Variants in CPNE8 observed in about 807,000 individuals in gnomAD.
The protein encoded by CPNE8 is copine 8, also known as copine-8.
A neutral mutation model predicts 81.5 loss-of-function variants in CPNE8; 45 were observed. That is an observed-to-expected ratio of 0.55 (90% CI 0.44 to 0.71). The LOEUF (loss-of-function observed/expected upper bound fraction) is 0.71. Among genes scored for constraint, CPNE8 ranks in the 30% least tolerant of loss-of-function variants. CPNE8 has a pLI of 0.00. For missense variants in CPNE8, 594 were observed against 672.1 expected (o/e 0.88, Z 1.28); for synonymous variants, 252 against 226.3 (o/e 1.11, Z -1.02).
intron 13 of CPNE8, among the ~76,000 whole-genome samples, chr12:38,717,438 T>TATATATATATAG (rs1324081339): frequency 7.8e-6 from 1 of 128,356 alleles, no homozygotes; most frequent in Non-Finnish European, 1.6e-5. Context: ...TGTATATATA[T>TATATATATATAG]ATATATATAT....
At chr12:38,768,804 G>A (rs1941743021) in intron 7 of CPNE8, among the ~76,000 whole-genome samples, 1 of 152,138 alleles carries the variant, frequency 6.6e-6, no homozygotes. Context: ...TGGGATTACA[G>A]GCTTGTGTGT....
At chr12:38,667,574 C>A (rs1041250447) in intron 19 of CPNE8, among the ~76,000 whole-genome samples, 3 of 152,294 alleles carry the variant, frequency 2.0e-5, no homozygotes, top group East Asian at 3.9e-4. Context: ...TAACTCAATG[C>A]AGGAATGTAA....
intron 19 of CPNE8, among the ~76,000 whole-genome samples, chr12:38,661,414 C>T (rs1228029814): frequency 1.3e-4 from 20 of 152,022 alleles, no homozygotes; most frequent in Admixed American, 1.3e-3. Flanking sequence ...ACAATGAGAA[C>T]ACTTGGACAC....
In CPNE8 at chr12:38,753,503, T is replaced by C. The variant is rs1284318856; in HGVS notation, c.722+7344A>G. On this transcript the variant is annotated intron_variant, in intron 10 of 19. Coordinates refer to ENST00000331366, the MANE Select transcript of CPNE8 (RefSeq NM_153634.3). ...AAAAAGAAAGATATCAGAGCTCTAT[T>C]TTAAGTCCTCTCTTCTGTATTACTG... Among the ~76,000 whole-genome samples, 4 of 152,122 alleles carry C rather than the reference T, an allele frequency of 2.6e-5. No individual in the cohort carries two copies. The East Asian group carries it at 5.8e-4, about 22-fold the overall frequency.
At chr12:38,697,854 T>C (rs1050285063) in intron 14 of CPNE8, among the ~76,000 whole-genome samples, 1 of 152,150 alleles carries the variant, frequency 6.6e-6, no homozygotes, top group Non-Finnish European at 1.5e-5. Context: ...GACTGCCCCT[T>C]TGCATTCCAT....
intron 8 of CPNE8, among the ~76,000 whole-genome samples, chr12:38,764,441 C>A (rs984497269): frequency 6.6e-6 from 1 of 150,720 alleles, no homozygotes; most frequent in African/African-American, 2.4e-5. Context: ...AACGGTGAAA[C>A]CCCGTCTCTA....
intron 19 of CPNE8, among the ~76,000 whole-genome samples, chr12:38,657,733 C>T (rs1319049101): frequency 6.6e-6 from 1 of 152,184 alleles, no homozygotes; most frequent in Non-Finnish European, 1.5e-5. Flanking sequence ...GTTCTGCAGC[C>T]TCCACTGGTG....
intron 6 of CPNE8, among the ~76,000 whole-genome samples, chr12:38,815,241 C>A (rs551342116): frequency 5.9e-5 from 9 of 152,172 alleles, no homozygotes; most frequent in Non-Finnish European, 1.2e-4. Context: ...TCCTTTTCTG[C>A]TCAGTAGCTT....
intron 13 of CPNE8, among the ~76,000 whole-genome samples, chr12:38,714,498 G>A (rs752930125): frequency 2.6e-5 from 4 of 151,840 alleles, no homozygotes; most frequent in Non-Finnish European, 5.9e-5. Context: ...ATCCAGAAGA[G>A]ACCATCAGTG....
chr12:38,860,715 G>T (rs1180280182), intron 3 of CPNE8, among the ~76,000 whole-genome samples: 1 of 152,124 alleles, frequency 6.6e-6, no homozygotes, highest in African/African-American at 2.4e-5. Flanking sequence ...GAATGTGGAA[G>T]ATATTATGCT....
chr12:38,806,516 A>G (rs1331839161), intron 6 of CPNE8, among the ~76,000 whole-genome samples: 4 of 150,342 alleles, frequency 2.7e-5, no homozygotes, highest in Non-Finnish European at 5.9e-5. Flanking sequence ...TGATTATCTC[A>G]ATAAATGCAG....
intron 1 of CPNE8, among the ~76,000 whole-genome samples, chr12:38,904,679 G>A (rs1944539365): frequency 6.6e-6 from 1 of 152,048 alleles, no homozygotes; most frequent in South Asian, 2.1e-4. Context: ...ATATTGGCCA[G>A]GCTGGTCTCG....
rs186243199 is a variant in CPNE8 at position 38,771,276 on chromosome 12, C to T, written c.472-3538G>A. On this transcript the variant is annotated intron_variant, in intron 7 of 19. Coordinates refer to ENST00000331366, the MANE Select transcript of CPNE8 (RefSeq NM_153634.3). ...GGGAGTTCAAGACCAGCCTGGACAA[C>T]ACAGTGAGACCACATCTCTATCAAA... 3.7e-4 allele frequency among the ~76,000 whole-genome samples: 55 copies of T among 148,996 alleles called. No homozygotes were observed. The East Asian group carries it at 7.6e-3, about 21-fold the overall frequency.
chr12:38,776,350 C>G, intron 6 of CPNE8, 49 bp from the exon 7 acceptor site: 1 of 583,408 alleles, frequency 1.7e-6, no homozygotes, highest in South Asian at 4.9e-5. Flanking sequence ...TATATTAATA[C>G]TATATAATAT....
chr12:38,669,057 A>G (rs927192817), intron 19 of CPNE8, among the ~76,000 whole-genome samples: 1 of 152,048 alleles, frequency 6.6e-6, no homozygotes, highest in Non-Finnish European at 1.5e-5. Context: ...GCCTCAAAAA[A>G]AAAAATAAAA....
intron 13 of CPNE8, among the ~76,000 whole-genome samples, chr12:38,719,843 AT>A (rs1177990072): frequency 2.0e-5 from 3 of 152,200 alleles, no homozygotes; most frequent in Admixed American, 6.5e-5. Flanking sequence ...ATGTCTTTGT[AT>A]AAAAACAACG....
chr12:38,862,829 G>T (rs1481920115), intron 3 of CPNE8, among the ~76,000 whole-genome samples: 1 of 152,144 alleles, frequency 6.6e-6, no homozygotes, highest in African/African-American at 2.4e-5. Flanking sequence ...CACACCTGAA[G>T]TCCCAGCTTC....
chr12:38,897,258 C>T (rs943542644), intron 1 of CPNE8, among the ~76,000 whole-genome samples: 9 of 151,968 alleles, frequency 5.9e-5, no homozygotes, highest in South Asian at 2.1e-4. Context: ...CTTGATTCTG[C>T]GTATTTAAAT....
intron 13 of CPNE8, among the ~76,000 whole-genome samples, chr12:38,712,372 A>G (rs1407428615): frequency 2.0e-5 from 3 of 151,870 alleles, no homozygotes; most frequent in Admixed American, 6.6e-5. Flanking sequence ...ACCACACCCA[A>G]CTATTATATT....
Sources: gnomAD v4.1 joint callset for allele counts (sites outside exome capture counted in the v4.1 genomes callset) on GRCh38, gnomAD v4.1.1 for gene constraint, MANE v1.5 for transcripts, NCBI Gene and HGNC (gene_info 2026-07-23, HGNC 2026-07-21) for gene names.